TSHZ2: variants seen among roughly 807,000 people sequenced by gnomAD.
TSHZ2 encodes teashirt homolog 2.
In TSHZ2, 21 loss-of-function variants were observed where a neutral mutation model predicts 74.4. The ratio of observed to expected loss-of-function variants is 0.28; its 90% confidence interval spans 0.20 to 0.41. The LOEUF is 0.41. Ranked by LOEUF, TSHZ2 falls within the 10% of genes least tolerant of loss-of-function variation. The pLI is 1.00. For synonymous variants in TSHZ2, 540 were observed against 515.3 expected, an observed-to-expected ratio of 1.05 and a Z score of -0.65; for missense variants, 1,244 against 1,293.5, an observed-to-expected ratio of 0.96 and a Z score of 0.59.
At chr20:53,295,789 A>T (rs1006005454) in intron 2 of TSHZ2, among the ~76,000 whole-genome samples, 21 of 152,322 alleles carry the variant, frequency 1.4e-4, no homozygotes, top group African/African-American at 5.1e-4. Context: ...AAAAAGTGTT[A>T]GTGGGATGTT....
intron 1 of TSHZ2, among the ~76,000 whole-genome samples, chr20:53,014,033 G>C (rs1452092805): frequency 1.3e-5 from 2 of 152,188 alleles, no homozygotes; most frequent in Non-Finnish European, 2.9e-5. Flanking sequence ...AGCTCAGGCT[G>C]CTGTAACAAA....
intron 2 of TSHZ2, among the ~76,000 whole-genome samples, chr20:53,365,259 C>T (rs1434683036): frequency 6.6e-6 from 1 of 152,196 alleles, no homozygotes; most frequent in Non-Finnish European, 1.5e-5. Flanking sequence ...AAAACATGCT[C>T]CTAAGTGGCC....
At chr20:53,321,394 A>T (rs1301481896) in intron 2 of TSHZ2, among the ~76,000 whole-genome samples, 1 of 152,116 alleles carries the variant, frequency 6.6e-6, no homozygotes, top group Non-Finnish European at 1.5e-5. Flanking sequence ...GATGCTTTAT[A>T]GAAATTCCTT....
intron 1 of TSHZ2, among the ~76,000 whole-genome samples, chr20:52,999,707 C>G (rs1359577244): frequency 2.0e-5 from 3 of 151,818 alleles, no homozygotes; most frequent in Admixed American, 2.0e-4. Context: ...CTAGAGCTTT[C>G]AAAAAAAAGT....
At chr20:53,478,464 A>C (rs1269507271) in intron 2 of TSHZ2, among the ~76,000 whole-genome samples, 1 of 140,114 alleles carries the variant, frequency 7.1e-6, no homozygotes, top group African/African-American at 2.6e-5. Flanking sequence ...TTGAACAATG[A>C]GATCACATGG....
intron 2 of TSHZ2, among the ~76,000 whole-genome samples, chr20:53,433,584 G>GACACACAC (rs59162370): frequency 0.056 from 7,622 of 136,942 alleles, 263 homozygotes; most frequent in Admixed American, 0.093. Flanking sequence ...CAGACACACA[G>GACACACAC]ACACACACAC....
chr20:53,193,573 A>G (rs911535077), intron 1 of TSHZ2, among the ~76,000 whole-genome samples: 1 of 152,194 alleles, frequency 6.6e-6, no homozygotes, highest in African/African-American at 2.4e-5. Context: ...TGTTCCCCAA[A>G]TCTAACCAAG....
chr20:53,439,382 T>C (rs1338030559), intron 2 of TSHZ2, among the ~76,000 whole-genome samples: 2 of 152,198 alleles, frequency 1.3e-5, no homozygotes, highest in African/African-American at 2.4e-5. Context: ...TAAGAGAGAA[T>C]TGGCCGTGAC....
At position 53,491,271 on chromosome 20, in the gene TSHZ2, G is replaced by A. The variant is rs1453089124; in HGVS notation, c.*4136G>A. On this transcript the variant is annotated 3_prime_UTR_variant, in exon 3 of 3. Transcript: ENST00000371497. ...ATTAGGCAAAAAAGAAATCAAAACT[G>A]AAATTTTCGTGTATTTTTCCCCTTG... 1 of 152,124 alleles carries A rather than the reference G, an allele frequency of 6.6e-6. No homozygotes were observed. The highest frequency in any genetic ancestry group is 2.4e-5 in the African/African-American group (1 of 41,426). 9.4% of individuals were successfully genotyped at this position (152,124 alleles called of 1,614,324 possible).
intron 2 of TSHZ2, among the ~76,000 whole-genome samples, chr20:53,348,624 G>A (rs779981930): frequency 5.9e-5 from 9 of 152,120 alleles, no homozygotes; most frequent in Non-Finnish European, 1.0e-4. Context: ...GGGGAGGATC[G>A]CTGTATGTGA....
At chr20:52,993,913 G>T (rs908636141) in intron 1 of TSHZ2, among the ~76,000 whole-genome samples, 1 of 152,192 alleles carries the variant, frequency 6.6e-6, no homozygotes, top group Non-Finnish European at 1.5e-5. Context: ...GGAAGTTTGT[G>T]GGGTGAGGAT....
Position 53,439,803 on chromosome 20 carries a change from G to T in TSHZ2, c.*9-47341G>T, listed in dbSNP as rs138257241. 2.5e-3 allele frequency among the ~76,000 whole-genome samples: 385 copies of T among 152,312 alleles called. 2 individuals carry two copies. The highest frequency in any genetic ancestry group is 4.1e-3 in the Non-Finnish European group (281 of 68,020). ...GTTTCAGTGGTAGCTTGGTGTGTCA[G>T]CTTGTAAGTCTATAAAACAGTTTTA... On this transcript the variant is annotated intron_variant, in intron 2 of 2. Coordinates refer to ENST00000371497, the MANE Select transcript of TSHZ2 (RefSeq NM_173485.6).
intron 1 of TSHZ2, among the ~76,000 whole-genome samples, chr20:53,034,417 T>C (rs1442811425): frequency 2.0e-5 from 3 of 152,236 alleles, no homozygotes; most frequent in Non-Finnish European, 2.9e-5. Context: ...GCATCTACTT[T>C]GTGCCAGGCA....
intron 2 of TSHZ2, among the ~76,000 whole-genome samples, chr20:53,359,849 G>A (rs1353353852): frequency 5.3e-5 from 8 of 152,184 alleles, no homozygotes; most frequent in South Asian, 2.1e-4. Context: ...AGATCACACC[G>A]ATGGTGAGCA....
At chr20:53,204,592 C>G (rs548119009) in intron 1 of TSHZ2, among the ~76,000 whole-genome samples, 3 of 152,156 alleles carry the variant, frequency 2.0e-5, no homozygotes, top group Admixed American at 2.0e-4. Context: ...CTGCTTGAAG[C>G]CTTCAGTATC....
chr20:53,192,453 G>C (rs1460926403), intron 1 of TSHZ2, among the ~76,000 whole-genome samples: 1 of 151,988 alleles, frequency 6.6e-6, no homozygotes, highest in East Asian at 1.9e-4. Flanking sequence ...AAAAGAAAGG[G>C]AGAAAGTGGT....
intron 1 of TSHZ2, among the ~76,000 whole-genome samples, chr20:53,214,444 G>A (rs189885231): frequency 3.9e-5 from 6 of 152,322 alleles, no homozygotes; most frequent in Non-Finnish European, 8.8e-5. Context: ...GAGGGCTCAC[G>A]CCTGTAACCT....
chr20:53,351,707 G>C (rs1040191523), intron 2 of TSHZ2, among the ~76,000 whole-genome samples: 3 of 152,258 alleles, frequency 2.0e-5, no homozygotes, highest in Admixed American at 6.5e-5. Context: ...TTAAAATACA[G>C]AGATGACCAT....
intron 2 of TSHZ2, among the ~76,000 whole-genome samples, chr20:53,377,778 G>A (rs796806862): frequency 1.3e-5 from 2 of 152,246 alleles, no homozygotes; most frequent in South Asian, 2.1e-4. Context: ...TGGGAAGATC[G>A]CTTGAGCTCA....
Sources: gnomAD v4.1 joint callset for allele counts (sites outside exome capture counted in the v4.1 genomes callset) on GRCh38, gnomAD v4.1.1 for gene constraint, MANE v1.5 for transcripts, NCBI Gene and HGNC (gene_info 2026-07-23, HGNC 2026-07-21) for gene names.